CENPB: variants seen among roughly 807,000 people sequenced by gnomAD.
CENPB encodes centromere protein B, also known as major centromere autoantigen B.
CENPB carries 19 observed loss-of-function variants against 41.9 expected under a neutral mutation model. That is an observed-to-expected ratio of 0.45 (90% CI 0.32 to 0.67). The LOEUF (loss-of-function observed/expected upper bound fraction) is 0.67, where lower values mean the gene tolerates loss of function less well. Ranked by LOEUF, CENPB falls within the 30% of genes least tolerant of loss-of-function variation. The pLI, the probability that CENPB is intolerant of heterozygous loss-of-function variation, is 0.04. For missense variants in CENPB, 614 were observed against 816.2 expected (o/e 0.75, Z 3.02); for synonymous variants, 399 against 354.4 (o/e 1.13, Z -1.41).
In CENPB at chr20:3,786,538, G is replaced by A. The variant is rs1307976803; in HGVS notation, c.-55C>T. 1 of 530,280 alleles carries A rather than the reference G, an allele frequency of 1.9e-6. No individual in the cohort carries two copies. The highest frequency in any genetic ancestry group is 2.4e-6 in the Non-Finnish European group (1 of 417,738). The allele number at this position is 530,280 out of a possible 1,614,324, so 32.8% of individuals were successfully genotyped here. The stretch of plus-strand genomic sequence containing the variant: ...CGCCGCCGCCGCCGCCCCGGGGCGG[G>A]GGGCCCGGGCCCGTGGCGGGGGGCA... On this transcript the variant is annotated 5_prime_UTR_variant, in exon 1 of 1. Coordinates refer to ENST00000379751, the MANE Select transcript of CENPB (RefSeq NM_001810.6).
Position 3,784,544 on chromosome 20 carries a change from C to G in CENPB, c.*140G>C, listed in dbSNP as rs1010453627. The G allele has an allele frequency of 3.0e-6, 3 of 1,003,260 alleles. No homozygotes were observed. The Admixed American group carries it at 7.0e-5, about 23-fold the overall frequency. 62.1% of individuals were successfully genotyped at this position (1,003,260 alleles called of 1,614,324 possible). A position where few individuals can be genotyped will look rare whatever the true frequency, so the allele number is the denominator to read the frequency against. On this transcript the variant is annotated 3_prime_UTR_variant, in exon 1 of 1. Transcript: ENST00000379751. The surrounding 1 kb of genome is among the most constrained non-coding windows in gnomAD (Gnocchi z 5.2). ...CCGGGCCCGGCCGAGGTGACCGGGC[C>G]TGTTGCAGGACCAGGGGAAGCATTA...
At position 3,784,600 on chromosome 20, in the gene CENPB, C is replaced by G. The variant is rs2146639434; in HGVS notation, c.*84G>C. 2.0e-6 allele frequency: 3 copies of G among 1,490,856 alleles called. No individual in the cohort carries two copies. Among genetic ancestry groups the G allele is most frequent in the Non-Finnish European group, 2.8e-6 (3 of 1,087,818 alleles). The allele number at this position is 1,490,856 out of a possible 1,614,324, so 92.4% of individuals were successfully genotyped here. A position where few individuals can be genotyped will look rare whatever the true frequency, so the allele number is the denominator to read the frequency against. On this transcript the variant is annotated 3_prime_UTR_variant, in exon 1 of 1. Coordinates refer to ENST00000379751, the MANE Select transcript of CENPB (RefSeq NM_001810.6). The surrounding 1 kb of genome is among the most constrained non-coding windows in gnomAD (Gnocchi z 5.2). ...GGATCTGGGGCTCTGCACTCTGGCT[C>G]CATGCACAGCGGGTGCCCAGAGAGT...
chr20:3,786,531 G>C lies in CENPB; in HGVS notation c.-48C>G. The C allele has an allele frequency of 6.3e-6, 4 of 636,024 alleles. No homozygotes were observed. The highest frequency in any genetic ancestry group is 7.7e-6 in the Non-Finnish European group (4 of 516,484). 39.4% of individuals were successfully genotyped at this position (636,024 alleles called of 1,614,324 possible). ...GGCCCGGCGCCGCCGCCGCCGCCCC[G>C]GGGCGGGGGGCCCGGGCCCGTGGCG... On this transcript the variant is annotated 5_prime_UTR_variant, in exon 1 of 1. Transcript: ENST00000379751.
chr20:3,786,519 C>A lies in CENPB; in HGVS notation c.-36G>T, dbSNP rs1345819274. 1.3e-6 allele frequency: 1 copy of A among 793,950 alleles called. No homozygotes were observed. The highest frequency in any genetic ancestry group is 1.5e-6 in the Non-Finnish European group (1 of 652,268). 49.2% of individuals were successfully genotyped at this position (793,950 alleles called of 1,614,324 possible). Reference sequence around the variant, plus strand: ...CCCCCGCCCCGGGGCCCGGCGCCGCCGCCGCCGCCCCGGGGCGGGGGGCCC... The same window carrying A: ...CCCCCGCCCCGGGGCCCGGCGCCGCAGCCGCCGCCCCGGGGCGGGGGGCCC... On this transcript the variant is annotated 5_prime_UTR_variant, in exon 1 of 1. Transcript: ENST00000379751.
rs761563571 is a variant in CENPB at position 3,784,915 on chromosome 20, ATCCTCTTCCTCATCG to A, written c.1554_1568del (p.Glu521_Glu525del). 7.8e-5 allele frequency: 126 copies of A among 1,613,546 alleles called. No homozygotes were observed. Among genetic ancestry groups the A allele is most frequent in the Non-Finnish European group, 1.0e-4 (122 of 1,179,846 alleles). ...CATCATCGTCGTCTTCATCTTCATCATCCTCTTCCTCATCGTCCTCTTCCTCACTGTCTGAATCAG... is the reference window on the plus strand; with the variant it reads ...CATCATCGTCGTCTTCATCTTCATCATCCTCTTCCTCACTGTCTGAATCAG... On this transcript the variant is annotated inframe_deletion, in exon 1 of 1. Transcript: ENST00000379751. This position sits in a 1 kb window ranked among gnomAD's most constrained non-coding sequence, Gnocchi z 5.2.
chr20:3,786,535 C>G lies in CENPB; in HGVS notation c.-52G>C. 5 of 541,808 alleles carry G rather than the reference C, an allele frequency of 9.2e-6. No homozygotes were observed. The highest frequency in any genetic ancestry group is 1.2e-5 in the Non-Finnish European group (5 of 430,418). 33.6% of individuals were successfully genotyped at this position (541,808 alleles called of 1,614,324 possible). A position where few individuals can be genotyped will look rare whatever the true frequency, so the allele number is the denominator to read the frequency against. ...CGGCGCCGCCGCCGCCGCCCCGGGG[C>G]GGGGGGCCCGGGCCCGTGGCGGGGG... On this transcript the variant is annotated 5_prime_UTR_variant, in exon 1 of 1. Coordinates refer to ENST00000379751, the MANE Select transcript of CENPB (RefSeq NM_001810.6).
At position 3,785,593 on chromosome 20, in the gene CENPB, G is replaced by A; in HGVS notation, c.891C>T (p.Gly297=). The A allele has an allele frequency of 6.2e-7, 1 of 1,601,360 alleles. No homozygotes were observed. The highest frequency in any genetic ancestry group is 8.5e-7 in the Non-Finnish European group (1 of 1,174,440). The stretch of plus-strand genomic sequence containing the variant: ...TGTCCAAGGACTGGGCAGCCAAGCG[G>A]CCGGCCAACAGCAGGACCCGGCGAG... ...AESRRVLLLA[G]RLAAQSLDTS... The change falls in exon 1 of 1, where the codon GGC becomes GGT. Residue 297 remains glycine, a synonymous_variant. Transcript: ENST00000379751.
chr20:3,785,435 T>C lies in CENPB; in HGVS notation c.1049A>G (p.Glu350Gly). 1 of 1,591,304 alleles carries C rather than the reference T, an allele frequency of 6.3e-7. No individual in the cohort carries two copies. The highest frequency in any genetic ancestry group is 8.6e-7 in the Non-Finnish European group (1 of 1,169,200). ...AMLLKAMAAL[E>G]GQDPSGLQLG... ...CTGCAGGCCTGAGGGATCCTGGCCC[T>C]CTAGCGCGGCCATGGCCTTGAGCAG... The change falls in exon 1 of 1, where the codon GAG becomes GGG. Residue 350 changes from glutamate (E) to glycine (G), a missense_variant. By Grantham distance (98) the Glu-to-Gly change is moderately conservative. This residue lies in a region of CENPB where 537 missense variants were observed against 629.4 expected (regional missense o/e 0.85). Coordinates refer to ENST00000379751, the MANE Select transcript of CENPB (RefSeq NM_001810.6).
At position 3,785,855 on chromosome 20, in the gene CENPB, C is replaced by T; in HGVS notation, c.629G>A (p.Gly210Glu). 6.2e-7 allele frequency: 1 copy of T among 1,609,004 alleles called. No homozygotes were observed. Among genetic ancestry groups the T allele is most frequent in the Non-Finnish European group, 8.5e-7 (1 of 1,178,514 alleles). Residue 210 changes from glycine (G) to glutamate (E), a missense_variant, in exon 1 of 1, where the codon GGG becomes GAG. Physicochemically the swap from Gly to Glu is moderately conservative, Grantham distance 98. Transcript: ENST00000379751. Reference protein sequence around the residue: ...WYDFLPDQAAGLCGGDGRPRQ... With the variant: ...WYDFLPDQAAELCGGDGRPRQ... ...CGGCCGTCCGTCGCCTCCGCACAGCCCCGCGGCCTGGTCGGGCAGGAAGTC... is the reference window on the plus strand; with the variant it reads ...CGGCCGTCCGTCGCCTCCGCACAGCTCCGCGGCCTGGTCGGGCAGGAAGTC...
rs746581553 is a variant in CENPB at position 3,786,295 on chromosome 20, G to A, written c.189C>T (p.Ser63=). The change falls in exon 1 of 1, where the codon TCC becomes TCT. Residue 63 remains serine, a synonymous_variant. Coordinates refer to ENST00000379751, the MANE Select transcript of CENPB (RefSeq NM_001810.6). ...ACAGCTTGTTGGTCTTGCGGCAGGT[G>A]GAGGCCACCCCGTACTTGCGCTCCG... is the stretch of plus-strand genomic sequence containing the variant. ...LASERKYGVA[S]TCRKTNKLSP... 6.2e-7 allele frequency: 1 copy of A among 1,607,874 alleles called. No individual in the cohort carries two copies.
At position 3,785,224 on chromosome 20, in the gene CENPB, A is replaced by C. The variant is rs1307631278; in HGVS notation, c.1260T>G (p.Gly420=). 68 of 1,231,186 alleles carry C rather than the reference A, an allele frequency of 5.5e-5. No homozygotes were observed. The highest frequency in any genetic ancestry group is 3.5e-4 in the African/African-American group (16 of 45,470). The allele number at this position is 1,231,186 out of a possible 1,614,324, so 76.3% of individuals were successfully genotyped here. The change falls in exon 1 of 1, where the codon GGT becomes GGG. Residue 420 remains glycine (G), a synonymous_variant. Coordinates refer to ENST00000379751, the MANE Select transcript of CENPB (RefSeq NM_001810.6). ...CTTCCTCCTCCTCTTCCTCTCCTTC[A>C]CCCTCTTCCTCCTCCTCTTCTTCCT... ...EEEEEEEEEE[G]EGEEEEEEGE...
Position 3,786,404 on chromosome 20 carries a change from C to A in CENPB, c.80G>T (p.Arg27Leu), listed in dbSNP as rs1347102548. The A allele has an allele frequency of 1.2e-6, 2 of 1,600,878 alleles. No individual in the cohort carries two copies. Among genetic ancestry groups the A allele is most frequent in the South Asian group, 1.1e-5 (1 of 91,064 alleles). ...GAAGCGCCGCGCGATCTCGCCCTTG[C>A]GCAGGTCCGGATTCTCCTCCACCTC... Reference protein sequence around the residue: ...IQEVEENPDLRKGEIARRFNI... With the variant: ...IQEVEENPDLLKGEIARRFNI... The change falls in exon 1 of 1, where the codon CGC (arginine) becomes CTC (leucine). Residue 27 changes from arginine (R) to leucine (L), a missense_variant. Physicochemically the swap from Arg to Leu is moderately radical, Grantham distance 102 (BLOSUM62 -2). Coordinates refer to ENST00000379751, the MANE Select transcript of CENPB (RefSeq NM_001810.6).
At position 3,785,640 on chromosome 20, in the gene CENPB, C is replaced by A; in HGVS notation, c.844G>T (p.Asp282Tyr). ...QALAKYLKALDTRMAAESRRV... is the reference protein window; with the variant it reads ...QALAKYLKALYTRMAAESRRV... ...CGAGACTCTGCAGCCATTCGGGTGTCCAAGGCCTTCAAGTACTTGGCCAGG... is the reference window on the plus strand; with the variant it reads ...CGAGACTCTGCAGCCATTCGGGTGTACAAGGCCTTCAAGTACTTGGCCAGG... Residue 282 changes from aspartate (D) to tyrosine (Y), a missense_variant, in exon 1 of 1, where the codon GAC (aspartate) becomes TAC (tyrosine). Transcript: ENST00000379751. 1 of 1,606,352 alleles carries A rather than the reference C, an allele frequency of 6.2e-7. No homozygotes were observed. The highest frequency in any genetic ancestry group is 1.7e-5 in the Admixed American group (1 of 58,812).
In CENPB at chr20:3,784,918, C is replaced by T. The variant is rs1246034035; in HGVS notation, c.1566G>A (p.Glu522=). 1.2e-6 allele frequency: 2 copies of T among 1,613,668 alleles called. No individual in the cohort carries two copies. The highest frequency in any genetic ancestry group is 1.7e-6 in the Non-Finnish European group (2 of 1,179,720). The change falls in exon 1 of 1, where the codon GAG becomes GAA. Residue 522 remains glutamate (E), a synonymous_variant. Transcript: ENST00000379751. This position sits in a 1 kb window ranked among gnomAD's most constrained non-coding sequence, Gnocchi z 5.2. ...CATCGTCGTCTTCATCTTCATCATC[C>T]TCTTCCTCATCGTCCTCTTCCTCAC... ...SDSEEEDDEE[E]DDEDEDDDDD...
At position 3,785,622 on chromosome 20, in the gene CENPB, C is replaced by G. The variant is rs1254676165; in HGVS notation, c.862G>C (p.Glu288Gln). 6.2e-7 allele frequency: 1 copy of G among 1,604,884 alleles called. No homozygotes were observed. The highest frequency in any genetic ancestry group is 8.5e-7 in the Non-Finnish European group (1 of 1,176,074). ...LKALDTRMAA[E>Q]SRRVLLLAGR... ...GCCAACAGCAGGACCCGGCGAGACT[C>G]TGCAGCCATTCGGGTGTCCAAGGCC... The change falls in exon 1 of 1, where the codon GAG becomes CAG. Residue 288 changes from glutamate to glutamine, a missense_variant. Around this residue, in one of 2 missense-constraint regions of CENPB, gnomAD observed 537 missense variants for 629.4 expected, o/e 0.85. Transcript: ENST00000379751.
In CENPB at chr20:3,786,490, G is replaced by A. The variant is rs200157177; in HGVS notation, c.-7C>T. On this transcript the variant is annotated 5_prime_UTR_variant, in exon 1 of 1. Coordinates refer to ENST00000379751, the MANE Select transcript of CENPB (RefSeq NM_001810.6). The stretch of plus-strand genomic sequence containing the variant: ...GTCGCCTCTTGGGGCCCATCCCGGC[G>A]CGCCCCCCGCCCCGGGGCCCGGCGC... 2.3e-4 allele frequency: 306 copies of A among 1,317,276 alleles called. No homozygotes were observed. In the African/African-American group the frequency reaches 4.0e-3, roughly 17 times the overall value. The allele number at this position is 1,317,276 out of a possible 1,614,324, so 81.6% of individuals were successfully genotyped here.
chr20:3,785,399 G>A lies in CENPB; in HGVS notation c.1085C>T (p.Thr362Met). The A allele has an allele frequency of 1.2e-6, 2 of 1,600,284 alleles. No individual in the cohort carries two copies. Among genetic ancestry groups the A allele is most frequent in the East Asian group, 2.3e-5 (1 of 44,108 alleles). ...QDPSGLQLGL[T>M]EALHFVAAAW... ...GGCAGCCACAAAGTGCAGGGCCTCC[G>A]TGAGACCCAGCTGCAGGCCTGAGGG... The change falls in exon 1 of 1, where the codon ACG becomes ATG. Residue 362 changes from threonine to methionine, a missense_variant. Thr to Met is a moderately conservative substitution (Grantham distance 81). Transcript: ENST00000379751.
rs774777778 is a variant in CENPB at position 3,785,443 on chromosome 20, G to C, written c.1041C>G (p.Ala347=). The C allele has an allele frequency of 3.1e-6, 5 of 1,589,890 alleles. No individual in the cohort carries two copies. In the African/African-American group the frequency reaches 4.0e-5, roughly 13 times the overall value. ...CTGAGGGATCCTGGCCCTCTAGCGC[G>C]GCCATGGCCTTGAGCAGCATGGCCT... ...YRQAMLLKAM[A]ALEGQDPSGL... The change falls in exon 1 of 1, where the codon GCC becomes GCG. Residue 347 remains alanine (A), a synonymous_variant. Transcript: ENST00000379751.
Position 3,785,199 on chromosome 20 carries a change from C to CG in CENPB, c.1284_1285insC (p.Gly429ArgfsTer25). On this transcript the variant is annotated frameshift_variant, in exon 1 of 1. Transcript: ENST00000379751. LOFTEE classifies it high-confidence loss of function. ...CCCCCTTCCTCCTCCTCCTCCTCCC[C>CG]TTCCTCCTCCTCTTCCTCTCCTTCA... 1 of 1,400,874 alleles carries CG rather than the reference C, an allele frequency of 7.1e-7. No homozygotes were observed. The highest frequency in any genetic ancestry group is 1.5e-5 in the African/African-American group (1 of 66,864). 86.8% of individuals were successfully genotyped at this position (1,400,874 alleles called of 1,614,324 possible). A position where few individuals can be genotyped will look rare whatever the true frequency, so the allele number is the denominator to read the frequency against.
Sources: allele counts gnomAD v4.1 joint callset, GRCh38; gene constraint gnomAD v4.1.1; regional missense constraint gnomAD v4.1.1; non-coding constraint Gnocchi (gnomAD v3.1); transcripts MANE v1.5; gene names NCBI Gene and HGNC (gene_info 2026-07-23, HGNC 2026-07-21).